The following SNX29 variants were observed in gnomAD, a reference collection of about 807,000 sequenced individuals.
SNX29 encodes the protein sorting nexin-29.
SNX29 carries 78 observed loss-of-function variants against 102.1 expected under a neutral mutation model. The observed-to-expected ratio is 0.76, with a 90% CI of 0.64 to 0.92. The LOEUF (loss-of-function observed/expected upper bound fraction) is 0.92, where lower values mean the gene tolerates loss of function less well. Among genes scored for constraint, SNX29 ranks in the 40% least tolerant of loss-of-function variants. The probability of loss-of-function intolerance (pLI) is 0.00; values close to 1 mark genes in which losing one functional copy is unlikely to be tolerated. For synonymous variants in SNX29, 580 were observed against 414.5 expected (o/e 1.40, Z -4.85); for missense variants, 1,280 against 1,061.7 (o/e 1.21, Z -2.86).
At chr16:12,331,981 A>G (rs572379125) in intron 15 of SNX29, among the ~76,000 whole-genome samples, 86 of 152,016 alleles carry the variant, frequency 5.7e-4, no homozygotes, top group Non-Finnish European at 1.0e-3. Flanking sequence ...GATCGCTTGA[A>G]CCTAGTAGGT....
intron 13 of SNX29, among the ~76,000 whole-genome samples, chr16:12,193,201 A>T (rs1258037249): frequency 1.3e-5 from 2 of 152,316 alleles, no homozygotes; most frequent in East Asian, 3.9e-4. Context: ...ATTCCTTTTT[A>T]TTGATGAGTA....
intron 20 of SNX29, among the ~76,000 whole-genome samples, chr16:12,540,246 C>G (rs938821690): frequency 3.4e-4 from 52 of 152,268 alleles, no homozygotes; most frequent in African/African-American, 1.2e-3. Flanking sequence ...CCGCTCCCCC[C>G]ACCCCCAGCG....
At chr16:12,380,701 CACCA>C (rs1196219938) in intron 16 of SNX29, among the ~76,000 whole-genome samples, 1 of 125,654 alleles carries the variant, frequency 8.0e-6, no homozygotes. Flanking sequence ...CCCATCCACC[CACCA>C]ACCATCAATT....
chr16:12,461,831 C>T (rs989061003), intron 18 of SNX29, among the ~76,000 whole-genome samples: 1 of 150,180 alleles, frequency 6.7e-6, no homozygotes, highest in African/African-American at 2.4e-5. Flanking sequence ...TGGCAGGTGC[C>T]TGTAATCCCA....
chr16:12,125,554 G>C (rs2136250), intron 11 of SNX29, among the ~76,000 whole-genome samples: 35,604 of 146,572 alleles, frequency 0.24, 4,270 homozygotes, highest in Middle Eastern at 0.33. Context: ...ACAGGTGGTT[G>C]CTATGCAGTG....
At chr16:12,086,921 GAC>G (rs1314339791) in intron 11 of SNX29, 1 of 152,126 alleles carries the variant, frequency 6.6e-6, no homozygotes, top group African/African-American at 2.4e-5. Context: ...AATGGAGGCT[GAC>G]ACAGATGCAG....
At chr16:12,196,386 T>TA (rs145922360) in intron 13 of SNX29, among the ~76,000 whole-genome samples, 11,574 of 152,280 alleles carry the variant, frequency 0.076, 520 homozygotes, top group East Asian at 0.17. Flanking sequence ...TTAAGTGCCC[T>TA]ACTCAGAGGC....
intron 20 of SNX29, among the ~76,000 whole-genome samples, chr16:12,553,585 T>TGGGGGGG (rs2078129881): frequency 9.3e-6 from 1 of 107,116 alleles, no homozygotes; most frequent in Non-Finnish European, 2.1e-5. Flanking sequence ...GAGGATGCTT[T>TGGGGGGG]GTTCCCCACC....
intron 15 of SNX29, among the ~76,000 whole-genome samples, chr16:12,333,162 G>T (rs1037941777): frequency 5.6e-5 from 8 of 143,672 alleles, no homozygotes; most frequent in African/African-American, 2.1e-4. Context: ...CTGGAGTGCA[G>T]TGGTGCGATC....
chr16:12,246,166 G>C (rs1162280365), intron 14 of SNX29, among the ~76,000 whole-genome samples: 2 of 152,134 alleles, frequency 1.3e-5, no homozygotes, highest in African/African-American at 4.8e-5. Context: ...GTTGGAGTCT[G>C]TAATTGAGGC....
At chr16:12,029,335 G>A (rs1479718754) in intron 4 of SNX29, among the ~76,000 whole-genome samples, 1 of 152,072 alleles carries the variant, frequency 6.6e-6, no homozygotes. Context: ...GGTTCCTGAG[G>A]TACCATATAC....
At position 12,573,759 on chromosome 16, in the gene SNX29, G is replaced by A. The variant is rs1053420089; in HGVS notation, c.*5130G>A. 5 of 222,392 alleles carry A rather than the reference G, an allele frequency of 2.2e-5. No individual in the cohort carries two copies. The highest frequency in any genetic ancestry group is 1.8e-4 in the South Asian group (1 of 5,410). 13.8% of individuals were successfully genotyped at this position (222,392 alleles called of 1,614,324 possible). ...ACATTTGCACCCAGAGCTACTAAAC[G>A]CTCAGTGACCCCAGAGACCATTAAT... On this transcript the variant is annotated 3_prime_UTR_variant, in exon 21 of 21. Coordinates refer to ENST00000566228, the MANE Select transcript of SNX29 (RefSeq NM_032167.5).
intron 20 of SNX29, among the ~76,000 whole-genome samples, chr16:12,559,305 C>G (rs1025585088): frequency 3.3e-5 from 5 of 151,938 alleles, no homozygotes; most frequent in Admixed American, 1.3e-4. Context: ...GGCATGCAAA[C>G]CCTATTGTGA....
intron 16 of SNX29, among the ~76,000 whole-genome samples, chr16:12,387,548 G>A (rs942573815): frequency 1.3e-5 from 2 of 152,046 alleles, no homozygotes; most frequent in African/African-American, 4.8e-5. Flanking sequence ...GGGTGGGAGG[G>A]TGAGAAAGGC....
intron 20 of SNX29, among the ~76,000 whole-genome samples, chr16:12,531,951 G>A (rs1345943367): frequency 3.3e-5 from 5 of 152,108 alleles, no homozygotes; most frequent in African/African-American, 7.2e-5. Context: ...TGTTATAACC[G>A]TCCTGCTGAA....
intron 7 of SNX29, among the ~76,000 whole-genome samples, chr16:12,051,460 G>C (rs2050297882): frequency 6.6e-6 from 1 of 152,150 alleles, no homozygotes; most frequent in Non-Finnish European, 1.5e-5. Context: ...AATGGCAGGA[G>C]TTTGAGGCTG....
At chr16:12,451,159 G>T (rs1023715784) in intron 18 of SNX29, among the ~76,000 whole-genome samples, 1 of 152,182 alleles carries the variant, frequency 6.6e-6, no homozygotes, top group Non-Finnish European at 1.5e-5. Context: ...TCTGCTACTC[G>T]CTGGCCTCCA....
intron 11 of SNX29, among the ~76,000 whole-genome samples, chr16:12,104,648 G>C (rs2053158563): frequency 6.6e-6 from 1 of 152,032 alleles, no homozygotes; most frequent in Non-Finnish European, 1.5e-5. Context: ...AGATCTCCAG[G>C]ATCATTCCCA....
chr16:12,483,114 G>GTTTTTGTTTTTTTTTTTTTTTTT (rs71139598), intron 19 of SNX29, among the ~76,000 whole-genome samples: 1 of 66,214 alleles, frequency 1.5e-5, no homozygotes, highest in Non-Finnish European at 2.8e-5. Context: ...AAGTTATTAA[G>GTTTTTGTTTTTTTTTTTTTTTTT]TTTTTTTTTT....
Sources: allele counts gnomAD v4.1 joint callset (sites outside exome capture counted in the v4.1 genomes callset), GRCh38; gene constraint gnomAD v4.1.1; transcripts MANE v1.5; gene names NCBI Gene and HGNC (gene_info 2026-07-23, HGNC 2026-07-21).